The following TACR3 variants were observed in gnomAD, a reference collection of about 807,000 sequenced individuals.
TACR3 encodes the protein tachykinin receptor 3, also known as neuromedin-K receptor.
Under a neutral mutation model 35.0 loss-of-function variants are expected in TACR3, and 34 were observed. That is an observed-to-expected ratio of 0.97 (90% CI 0.74 to 1.30). TACR3 has a LOEUF of 1.30. TACR3 is among the 50% of genes most tolerant of loss of function. TACR3 has a pLI of 0.00. For synonymous variants in TACR3, 233 were observed against 221.1 expected (o/e 1.05, Z -0.48); for missense variants, 558 against 591.7 (o/e 0.94, Z 0.59).
At chr4:103,595,534 A>G (rs1723985604) in intron 3 of TACR3, among the ~76,000 whole-genome samples, 2 of 152,212 alleles carry the variant, frequency 1.3e-5, no homozygotes, top group South Asian at 4.1e-4. Flanking sequence ...AAGGGGAAAG[A>G]TCTTAGATTT....
chr4:103,668,581 C>G (rs1578250195), intron 1 of TACR3, among the ~76,000 whole-genome samples: 1 of 151,892 alleles, frequency 6.6e-6, no homozygotes, highest in South Asian at 2.1e-4. Flanking sequence ...GGTGTGGTGG[C>G]CCACACCTGT....
At chr4:103,712,779 A>T (rs538833423) in intron 1 of TACR3, among the ~76,000 whole-genome samples, 1 of 152,196 alleles carries the variant, frequency 6.6e-6, no homozygotes, top group African/African-American at 2.4e-5. Context: ...AATTTACAAG[A>T]AAAAAACAAA....
At chr4:103,622,857 G>A (rs1448672101) in intron 3 of TACR3, among the ~76,000 whole-genome samples, 2 of 152,138 alleles carry the variant, frequency 1.3e-5, no homozygotes, top group Admixed American at 6.6e-5. Context: ...AGACCCAGAG[G>A]AGACTAATGT....
At chr4:103,596,425 T>A (rs1378054564) in intron 3 of TACR3, among the ~76,000 whole-genome samples, 1 of 152,008 alleles carries the variant, frequency 6.6e-6, no homozygotes, top group Non-Finnish European at 1.5e-5. Flanking sequence ...GTTTCCTGAC[T>A]TTTTAAAGAT....
At chr4:103,593,018 A>AT in intron 3 of TACR3, among the ~76,000 whole-genome samples, 1 of 152,072 alleles carries the variant, frequency 6.6e-6, no homozygotes, top group Admixed American at 6.6e-5. Flanking sequence ...ATATCTTTTG[A>AT]TTTTCCCAGT....
chr4:103,681,333 A>G (rs1722081493), intron 1 of TACR3, among the ~76,000 whole-genome samples: 1 of 152,098 alleles, frequency 6.6e-6, no homozygotes, highest in Non-Finnish European at 1.5e-5. Flanking sequence ...CGGCCTAAAT[A>G]TAACATCAGA....
Position 103,591,587 on chromosome 4 carries a change from T to A in TACR3, c.985A>T (p.Asn329Tyr), listed in dbSNP as rs1723897908. The A allele has an allele frequency of 1.2e-6, 2 of 1,613,856 alleles. No individual in the cohort carries two copies. The highest frequency in any genetic ancestry group is 3.3e-5 in the Admixed American group (2 of 59,988). Residue 329 changes from asparagine (N) to tyrosine (Y), a missense_variant, in exon 4 of 5, where the codon AAT (asparagine) becomes TAT (tyrosine). Physicochemically the swap from Asn to Tyr is moderately radical, Grantham distance 143. Coordinates refer to ENST00000304883, the MANE Select transcript of TACR3 (RefSeq NM_001059.3). Reference sequence around the variant, plus strand: ...ACCTGCTGGATGTATTTCCATCTATTTAGTTGTTGATAGATTGCAGTGAGA... The same window carrying A: ...ACCTGCTGGATGTATTTCCATCTATATAGTTGTTGATAGATTGCAGTGAGA... ...FILTAIYQQL[N>Y]RWKYIQQVYL...
chr4:103,626,692 T>C (rs1272090440), intron 3 of TACR3, among the ~76,000 whole-genome samples: 1 of 152,200 alleles, frequency 6.6e-6, no homozygotes, highest in African/African-American at 2.4e-5. Context: ...TTCTCCGGTA[T>C]GAAAGAAAGC....
intron 3 of TACR3, among the ~76,000 whole-genome samples, chr4:103,652,269 C>G (rs774014176): frequency 1.3e-5 from 2 of 152,094 alleles, no homozygotes; most frequent in African/African-American, 2.4e-5. Context: ...ACTTCTGACC[C>G]GTGGGATGGG....
At chr4:103,690,027 T>C (rs1722364720) in intron 1 of TACR3, among the ~76,000 whole-genome samples, 1 of 151,866 alleles carries the variant, frequency 6.6e-6, no homozygotes, top group Non-Finnish European at 1.5e-5. Context: ...TCATTGAAAA[T>C]AATGAAATCC....
chr4:103,709,095 C>T (rs1238489266), intron 1 of TACR3, among the ~76,000 whole-genome samples: 1 of 152,164 alleles, frequency 6.6e-6, no homozygotes, highest in East Asian at 1.9e-4. Context: ...GGATATTATC[C>T]AGGAGAATTT....
intron 1 of TACR3, among the ~76,000 whole-genome samples, chr4:103,699,808 C>T (rs766849349): frequency 1.3e-5 from 2 of 152,016 alleles, no homozygotes; most frequent in African/African-American, 4.8e-5. Flanking sequence ...AGTAGGAGTA[C>T]GTTTTAGAGG....
At chr4:103,687,197 C>A (rs1438309960) in intron 1 of TACR3, among the ~76,000 whole-genome samples, 2 of 152,106 alleles carry the variant, frequency 1.3e-5, no homozygotes, top group African/African-American at 2.4e-5. Flanking sequence ...AATTCAATAA[C>A]CCCTCATGCT....
intron 1 of TACR3, among the ~76,000 whole-genome samples, chr4:103,666,742 A>G (rs1327953113): frequency 6.6e-6 from 1 of 152,186 alleles, no homozygotes; most frequent in African/African-American, 2.4e-5. Context: ...AAAACTTGCT[A>G]AATTTTTTGC....
chr4:103,642,640 G>C (rs1725381200), intron 3 of TACR3, among the ~76,000 whole-genome samples: 1 of 151,832 alleles, frequency 6.6e-6, no homozygotes, highest in Non-Finnish European at 1.5e-5. Flanking sequence ...GTAGAACGGT[G>C]ATTACCAGAG....
At chr4:103,698,243 T>G (rs1421347370) in intron 1 of TACR3, among the ~76,000 whole-genome samples, 1 of 152,180 alleles carries the variant, frequency 6.6e-6, no homozygotes, top group Non-Finnish European at 1.5e-5. Flanking sequence ...TTTGAAGGTA[T>G]AAAAGTCAAT....
intron 1 of TACR3, among the ~76,000 whole-genome samples, chr4:103,704,140 A>G (rs1370702295): frequency 1.3e-5 from 2 of 150,192 alleles, no homozygotes; most frequent in East Asian, 3.9e-4. Flanking sequence ...AAAAAGAAAG[A>G]AAGAAAGGAA....
intron 3 of TACR3, among the ~76,000 whole-genome samples, chr4:103,622,007 A>G (rs1004684505): frequency 2.0e-5 from 3 of 152,188 alleles, no homozygotes; most frequent in African/African-American, 4.8e-5. Context: ...AGTGGTTGTT[A>G]GAAGAAGAAA....
chr4:103,642,253 CATAT>C (rs1458764016), intron 3 of TACR3, among the ~76,000 whole-genome samples: 1 of 150,822 alleles, frequency 6.6e-6, no homozygotes, highest in African/African-American at 2.4e-5. Flanking sequence ...ATAATCACAT[CATAT>C]ATAATCACAT....
Sources: gnomAD v4.1 joint callset for allele counts (sites outside exome capture counted in the v4.1 genomes callset) on GRCh38, gnomAD v4.1.1 for gene constraint, MANE v1.5 for transcripts, NCBI Gene and HGNC (gene_info 2026-07-23, HGNC 2026-07-21) for gene names.